Variants in PSME4 observed in about 807,000 individuals in gnomAD.
The protein encoded by PSME4 is proteasome activator subunit 4.
A neutral mutation model predicts 253.9 loss-of-function variants in PSME4; 89 were observed. The ratio of observed to expected loss-of-function variants is 0.35; its 90% confidence interval spans 0.30 to 0.42. The LOEUF (loss-of-function observed/expected upper bound fraction) is 0.42, where lower values mean the gene tolerates loss of function less well. Ranked by LOEUF, PSME4 falls within the 10% of genes least tolerant of loss-of-function variation. PSME4 has a pLI of 1.00. For missense variants in PSME4, 2,014 were observed against 2,195.2 expected (o/e 0.92, Z 1.65); for synonymous variants, 851 against 759.2 (o/e 1.12, Z -1.99).
At chr2:53,950,252 C>CT (rs1047680713) in intron 1 of PSME4, among the ~76,000 whole-genome samples, 1 of 150,854 alleles carries the variant, frequency 6.6e-6, no homozygotes, top group African/African-American at 2.4e-5. Context: ...TATGCTCCAT[C>CT]TAGCCTAGGC....
chr2:53,879,644 T>G (rs1679287497), intron 41 of PSME4, among the ~76,000 whole-genome samples: 2 of 152,116 alleles, frequency 1.3e-5, no homozygotes, highest in African/African-American at 4.8e-5. Flanking sequence ...GTACGAGCTA[T>G]TTCTCTTAGA....
At chr2:53,939,518 G>T (rs1207620309) in intron 4 of PSME4, among the ~76,000 whole-genome samples, 2 of 152,094 alleles carry the variant, frequency 1.3e-5, no homozygotes, top group Non-Finnish European at 2.9e-5. Flanking sequence ...TTGAGGCCAG[G>T]GGTTCAAGAC....
intron 20 of PSME4, among the ~76,000 whole-genome samples, chr2:53,912,327 G>C (rs1018394654): frequency 6.6e-6 from 1 of 152,012 alleles, no homozygotes; most frequent in African/African-American, 2.4e-5. Flanking sequence ...ACTATATATA[G>C]GACATATCTG....
chr2:53,968,189 C>T (rs575107085), intron 1 of PSME4, among the ~76,000 whole-genome samples: 9 of 151,404 alleles, frequency 5.9e-5, no homozygotes, highest in African/African-American at 2.2e-4. Flanking sequence ...GCAGGAGAAT[C>T]GCTTGAACCC....
rs116803998 is a variant in PSME4 at position 53,933,541 on chromosome 2, G to A, written c.958-781C>T. Among the ~76,000 whole-genome samples the A allele has an allele frequency of 4.3e-3, 652 of 152,166 alleles. 4 individuals are homozygous for A. The highest frequency in any genetic ancestry group is 0.015 in the African/African-American group (640 of 41,516). The stretch of plus-strand genomic sequence containing the variant: ...ACCATAGGCATGTGTTATCATGCCC[G>A]TGCTTACTTTTACTTTTGTTTTCTT... On this transcript the variant is annotated intron_variant, in intron 8 of 46. Coordinates refer to ENST00000404125, the MANE Select transcript of PSME4 (RefSeq NM_014614.3).
At chr2:53,925,890 A>G (rs1463262425) in intron 13 of PSME4, 69 bp downstream of exon 13, 22 of 1,485,358 alleles carry the variant, frequency 1.5e-5, no homozygotes, top group Non-Finnish European at 2.0e-5. Context: ...GAAATAAACT[A>G]AACTTTCTGG....
chr2:53,958,271 G>C (rs1412879563), intron 1 of PSME4, among the ~76,000 whole-genome samples: 1 of 151,684 alleles, frequency 6.6e-6, no homozygotes, highest in African/African-American at 2.4e-5. Context: ...TGGGAGAACT[G>C]CTTAAACCCA....
Position 53,949,353 on chromosome 2 carries a change from A to G in PSME4, c.243-70T>C, listed in dbSNP as rs909267457. The stretch of plus-strand genomic sequence containing the variant: ...ACACATCCATGTTCAATGCAGCATT[A>G]TCCATAGAAGCCAAGATGTAGATGC... On this transcript the variant is annotated intron_variant, in intron 1 of 46. Transcript: ENST00000404125. 6.7e-6 allele frequency: 7 copies of G among 1,038,562 alleles called. No homozygotes were observed. The African/African-American group carries it at 1.1e-4, about 17-fold the overall frequency. The allele number at this position is 1,038,562 out of a possible 1,614,324, so 64.3% of individuals were successfully genotyped here.
rs943075623 is a variant in PSME4, at chr2:53,901,638, T to C, written c.3076-79A>G. On this transcript the variant is annotated intron_variant, in intron 27 of 46. Transcript: ENST00000404125. ...AGTTGTAGCCAATGCACCTATGTAT[T>C]GGTTTTAAATGAGTATTGATTACTT... is the stretch of plus-strand genomic sequence containing the variant. The C allele has an allele frequency of 8.0e-6, 9 of 1,126,442 alleles. No homozygotes were observed. The Admixed American group carries it at 1.8e-4, about 23-fold the overall frequency. The allele number at this position is 1,126,442 out of a possible 1,614,324, so 69.8% of individuals were successfully genotyped here.
chr2:53,893,928 G>C, intron 34 of PSME4, 129 bp from the exon 35 acceptor site: 2 of 1,351,704 alleles, frequency 1.5e-6, no homozygotes, highest in Non-Finnish European at 1.9e-6. Context: ...TGAATTCTTA[G>C]TTCTCATAGA....
intron 20 of PSME4, among the ~76,000 whole-genome samples, chr2:53,913,733 A>G (rs566098180): frequency 6.6e-6 from 1 of 152,380 alleles, no homozygotes; most frequent in African/African-American, 2.4e-5. Flanking sequence ...GGGTCACTAA[A>G]TAAAGAGAAA....
intron 43 of PSME4, among the ~76,000 whole-genome samples, chr2:53,873,238 C>CAAAAAA (rs60203960): frequency 6.5e-5 from 8 of 123,118 alleles, no homozygotes; most frequent in Non-Finnish European, 8.2e-5. Flanking sequence ...GACTCCGTCT[C>CAAAAAA]AAAAAAAAAG....
At chr2:53,887,748 C>T in intron 39 of PSME4, 110 bp downstream of exon 39, 1 of 1,295,146 alleles carries the variant, frequency 7.7e-7, no homozygotes, top group South Asian at 1.5e-5. Flanking sequence ...TTGAGAAAGA[C>T]ACCATGAAAC....
chr2:53,873,695 G>A (rs147931976), intron 43 of PSME4, among the ~76,000 whole-genome samples: 17 of 152,316 alleles, frequency 1.1e-4, no homozygotes, highest in South Asian at 2.1e-4. Flanking sequence ...CTGGATAGCA[G>A]CGCCTATGTG....
intron 6 of PSME4, 47 bp downstream of exon 6, chr2:53,936,716 AG>A: frequency 7.5e-7 from 1 of 1,337,282 alleles, no homozygotes; most frequent in Non-Finnish European, 1.0e-6. Flanking sequence ...GGGGGAAAAA[AG>A]AAAAAAAAAA....
At chr2:53,908,143 AT>A in intron 24 of PSME4, 176 bp downstream of exon 24, 3 of 553,082 alleles carry the variant, frequency 5.4e-6, no homozygotes, top group Middle Eastern at 4.7e-4. Context: ...AGAAAAATAT[AT>A]TTTTTGCTAG....
intron 41 of PSME4, among the ~76,000 whole-genome samples, chr2:53,881,996 C>T (rs1040215067): frequency 6.6e-6 from 1 of 151,694 alleles, no homozygotes; most frequent in African/African-American, 2.4e-5. Flanking sequence ...GACTCTTAGA[C>T]CAGAATAGGC....
chr2:53,960,272 G>A (rs1464495228), intron 1 of PSME4, among the ~76,000 whole-genome samples: 1 of 151,952 alleles, frequency 6.6e-6, no homozygotes, highest in Non-Finnish European at 1.5e-5. Flanking sequence ...GGTGGCGGGC[G>A]CCTGTAATCC....
intron 40 of PSME4, among the ~76,000 whole-genome samples, chr2:53,886,591 T>C (rs1316742315): frequency 6.6e-6 from 1 of 152,190 alleles, no homozygotes; most frequent in Middle Eastern, 3.2e-3. Flanking sequence ...CCCTTGTGCA[T>C]TTGCTGACTG....
Sources: allele counts gnomAD v4.1 joint callset (sites outside exome capture counted in the v4.1 genomes callset), GRCh38; gene constraint gnomAD v4.1.1; transcripts MANE v1.5; gene names NCBI Gene and HGNC (gene_info 2026-07-23, HGNC 2026-07-21).